The following HTN1 variants were observed in gnomAD, a reference collection of about 807,000 sequenced individuals.
HTN1 encodes the protein histatin 1.
Under a neutral mutation model 11.2 loss-of-function variants are expected in HTN1, and 18 were observed. That is an observed-to-expected ratio of 1.61 (90% CI 1.12 to 2.39). The LOEUF is 2.39. Among genes scored for constraint, HTN1 ranks in the 30% most tolerant of loss-of-function variants. The pLI is 0.00. For missense variants in HTN1, 80 were observed against 67.2 expected (o/e 1.19, Z -0.67); for synonymous variants, 21 against 20.5 (o/e 1.02, Z -0.07).
intron 5 of HTN1, chr4:70,056,923 T>C (rs1307571550): frequency 6.6e-6 from 1 of 152,190 alleles, no homozygotes; most frequent in African/African-American, 2.4e-5. Context: ...CAAGAACACT[T>C]TTACACTGTG....
intron 1 of HTN1, among the ~76,000 whole-genome samples, chr4:70,051,194 T>A (rs1725883061): frequency 6.6e-6 from 1 of 152,152 alleles, no homozygotes; most frequent in African/African-American, 2.4e-5. Flanking sequence ...GTAAATATAT[T>A]ATTATAAAGG....
chr4:70,052,277 T>C (rs1725913899), intron 1 of HTN1, among the ~76,000 whole-genome samples: 1 of 152,170 alleles, frequency 6.6e-6, no homozygotes, highest in Non-Finnish European at 1.5e-5. Context: ...CTCTGGCTCA[T>C]AGTCACTGAC....
At chr4:70,058,221 C>T (rs1041562481) in intron 5 of HTN1, 2 of 151,946 alleles carry the variant, frequency 1.3e-5, no homozygotes, top group African/African-American at 4.8e-5. Flanking sequence ...CTTTATCCTC[C>T]AGGTGTTAGA....
chr4:70,055,469 A>G lies in HTN1; in HGVS notation c.103-29A>G, dbSNP rs763389433. The G allele has an allele frequency of 8.1e-6, 12 of 1,475,608 alleles. 1 individual carries two copies. Among genetic ancestry groups the G allele is most frequent in the South Asian group, 2.3e-5 (2 of 88,062 alleles). The allele number at this position is 1,475,608 out of a possible 1,614,324, so 91.4% of individuals were successfully genotyped here. A position where few individuals can be genotyped will look rare whatever the true frequency, so the allele number is the denominator to read the frequency against. ...GTATTGTCATTCTCTATTCTCTGCA[A>G]TTTGCTCTCTCCTTTTGTGTGTATG... On this transcript the variant is annotated intron_variant, in intron 4 of 5. Transcript: ENST00000246896.
rs1384638100 is a variant in HTN1 at position 70,052,938 on chromosome 4, C to T, written c.-13-126C>T. ...GCTGCAGTGATCTGTGCTCATGCCCCTGCACTCCAGCCTGGAAAACAGAGC... is the reference window on the plus strand; with the variant it reads ...GCTGCAGTGATCTGTGCTCATGCCCTTGCACTCCAGCCTGGAAAACAGAGC... On this transcript the variant is annotated intron_variant, in intron 1 of 5. Transcript: ENST00000246896. The T allele has an allele frequency of 4.5e-6, 3 of 670,814 alleles. No individual in the cohort carries two copies. The African/African-American group carries it at 5.3e-5, about 12-fold the overall frequency. The allele number at this position is 670,814 out of a possible 1,614,324, so 41.6% of individuals were successfully genotyped here.
At chr4:70,054,202 A>T (rs1725973303) in intron 2 of HTN1, 120 bp from the exon 3 acceptor site, 2 of 618,786 alleles carry the variant, frequency 3.2e-6, no homozygotes, top group East Asian at 6.2e-5. Flanking sequence ...TTAGTCTGTC[A>T]TCAACCAAAG....
intron 5 of HTN1, chr4:70,056,299 A>G (rs1158005419): frequency 2.0e-5 from 3 of 152,120 alleles, no homozygotes; most frequent in Non-Finnish European, 4.4e-5. Context: ...AGGATCTCCT[A>G]TTGAATAAAT....
At chr4:70,055,132 C>T (rs1266984821) in intron 4 of HTN1, among the ~76,000 whole-genome samples, 1 of 151,912 alleles carries the variant, frequency 6.6e-6, no homozygotes, top group Non-Finnish European at 1.5e-5. Flanking sequence ...AGAAGCACCA[C>T]CTAAGTTGGA....
chr4:70,055,232 A>C (rs73824786), intron 4 of HTN1, among the ~76,000 whole-genome samples: 3,241 of 152,188 alleles, frequency 0.021, 109 homozygotes, highest in African/African-American at 0.073. Flanking sequence ...AACCCTGGTT[A>C]GAGAGGTTAC....
At chr4:70,053,244 T>C (rs974575823) in intron 2 of HTN1, 117 bp downstream of exon 2, 1 of 611,480 alleles carries the variant, frequency 1.6e-6, no homozygotes, top group African/African-American at 1.8e-5. Context: ...TTATAAGCTT[T>C]AATATTTCCC....
chr4:70,053,431 A>G (rs1725951487), intron 2 of HTN1, among the ~76,000 whole-genome samples: 1 of 152,158 alleles, frequency 6.6e-6, no homozygotes, highest in Admixed American at 6.6e-5. Context: ...AAATGTGAAA[A>G]GCTCTAGACC....
chr4:70,057,135 C>T (rs1039846591), intron 5 of HTN1: 7 of 152,120 alleles, frequency 4.6e-5, no homozygotes, highest in African/African-American at 1.7e-4. Context: ...TGGAACCAAC[C>T]CAAATGACCA....
chr4:70,051,790 C>T (rs1725900513), intron 1 of HTN1, among the ~76,000 whole-genome samples: 1 of 151,916 alleles, frequency 6.6e-6, no homozygotes, highest in Admixed American at 6.6e-5. Context: ...TGTTTAAGAG[C>T]AGGACATTTT....
intron 5 of HTN1, chr4:70,058,064 A>G (rs1271153053): frequency 1.3e-5 from 2 of 152,216 alleles, no homozygotes; most frequent in East Asian, 3.8e-4. Flanking sequence ...TTACATTTCA[A>G]AATAAAGCAA....
intron 1 of HTN1, among the ~76,000 whole-genome samples, chr4:70,051,907 TGCAATTAACA>T (rs1212691453): frequency 2.0e-5 from 3 of 152,126 alleles, no homozygotes; most frequent in Non-Finnish European, 4.4e-5. Flanking sequence ...ACTTTATAAC[TGCAATTAACA>T]GCCAAAAATG....
At chr4:70,051,988 T>G (rs1725905872) in intron 1 of HTN1, among the ~76,000 whole-genome samples, 1 of 152,172 alleles carries the variant, frequency 6.6e-6, no homozygotes, top group Admixed American at 6.5e-5. Flanking sequence ...TTATTTACGT[T>G]TGTAATTTAG....
intron 4 of HTN1, among the ~76,000 whole-genome samples, chr4:70,055,046 TTTGTG>T: frequency 6.6e-6 from 1 of 152,092 alleles, no homozygotes; most frequent in East Asian, 1.9e-4. Flanking sequence ...ATGAAGACTG[TTTGTG>T]TTAACAGCAG....
chr4:70,050,964 A>G (rs1725876510), intron 1 of HTN1, among the ~76,000 whole-genome samples: 1 of 152,144 alleles, frequency 6.6e-6, no homozygotes, highest in East Asian at 1.9e-4. Context: ...GATGACTTCC[A>G]GATCTCAATT....
intron 1 of HTN1, among the ~76,000 whole-genome samples, chr4:70,052,433 G>A (rs948455725): frequency 2.6e-5 from 4 of 151,956 alleles, no homozygotes; most frequent in Admixed American, 2.0e-4. Flanking sequence ...CTCCAGTTTT[G>A]TCCTCCCTAT....
Sources: allele counts gnomAD v4.1 joint callset (sites outside exome capture counted in the v4.1 genomes callset), GRCh38; gene constraint gnomAD v4.1.1; transcripts MANE v1.5; gene names NCBI Gene and HGNC (gene_info 2026-07-23, HGNC 2026-07-21).